FNDC3A: variants seen among roughly 807,000 people sequenced by gnomAD.
FNDC3A encodes fibronectin type III domain containing 3A, also known as fibronectin type-III domain-containing protein 3A.
In FNDC3A, 32 loss-of-function variants were observed where a neutral mutation model predicts 148.9. The observed-to-expected ratio is 0.21, with a 90% CI of 0.16 to 0.29. FNDC3A has a LOEUF of 0.29. Among genes scored for constraint, FNDC3A ranks in the 10% least tolerant of loss-of-function variants. FNDC3A has a pLI of 1.00. For synonymous variants in FNDC3A, 472 were observed against 473.6 expected, an observed-to-expected ratio of 1.00 and a Z score of 0.04; for missense variants, 1,191 against 1,452.8, an observed-to-expected ratio of 0.82 and a Z score of 2.93.
chr13:48,983,170 G>T (rs1020915216), intron 1 of FNDC3A, among the ~76,000 whole-genome samples: 3 of 152,152 alleles, frequency 2.0e-5, no homozygotes, highest in African/African-American at 7.2e-5. Flanking sequence ...GAGAGATAAT[G>T]ATATGTAAAT....
At chr13:49,131,477 A>G in intron 5 of FNDC3A, 103 bp downstream of exon 5, 1 of 854,966 alleles carries the variant, frequency 1.2e-6, no homozygotes, top group Non-Finnish European at 2.0e-6. Flanking sequence ...GCAAATGGTA[A>G]TGATGTAACA....
chr13:49,163,691 C>T (rs1487611965), intron 8 of FNDC3A, among the ~76,000 whole-genome samples: 1 of 152,200 alleles, frequency 6.6e-6, no homozygotes, highest in Admixed American at 6.5e-5. Flanking sequence ...GTTGGAAATG[C>T]ATAAATCACC....
intron 1 of FNDC3A, among the ~76,000 whole-genome samples, chr13:48,982,869 C>T (rs908190095): frequency 2.0e-5 from 3 of 152,140 alleles, no homozygotes; most frequent in Non-Finnish European, 2.9e-5. Flanking sequence ...TTGGTTCGTT[C>T]ATTTTACAGT....
intron 14 of FNDC3A, among the ~76,000 whole-genome samples, chr13:49,181,330 G>A (rs543498605): frequency 2.6e-5 from 4 of 152,242 alleles, no homozygotes; most frequent in South Asian, 2.1e-4. Context: ...TCTCAAAGTA[G>A]TCAGCAGGCC....
chr13:49,120,810 A>G (rs1195039290), intron 4 of FNDC3A, among the ~76,000 whole-genome samples: 5 of 152,254 alleles, frequency 3.3e-5, no homozygotes, highest in Admixed American at 6.5e-5. Context: ...CTAAATATAT[A>G]TGAACCCAAT....
At chr13:49,088,486 G>A (rs964835730) in intron 3 of FNDC3A, among the ~76,000 whole-genome samples, 2 of 152,154 alleles carry the variant, frequency 1.3e-5, no homozygotes, top group African/African-American at 4.8e-5. Flanking sequence ...TTGAATGATT[G>A]TTACACTCTT....
At position 49,082,937 on chromosome 13, in the gene FNDC3A, T is replaced by A. The variant is rs150592797; in HGVS notation, c.175+7573T>A. ...AGCTCAAACAAGAGTGAGGAGGCCATCTGTGTGGAGGGGTAGCCTGACCTG... is the reference window on the plus strand; with the variant it reads ...AGCTCAAACAAGAGTGAGGAGGCCAACTGTGTGGAGGGGTAGCCTGACCTG... On this transcript the variant is annotated intron_variant, in intron 3 of 25. Transcript: ENST00000492622. 1.2e-4 allele frequency among the ~76,000 whole-genome samples: 18 copies of A among 152,170 alleles called. No individual in the cohort carries two copies. In the East Asian group the frequency reaches 2.1e-3, roughly 18 times the overall value.
At chr13:49,120,182 T>C (rs75608405) in intron 4 of FNDC3A, among the ~76,000 whole-genome samples, 98 of 152,300 alleles carry the variant, frequency 6.4e-4, no homozygotes, top group African/African-American at 2.0e-3. Context: ...TGGGGGCCAA[T>C]ATTCAACATT....
chr13:48,994,723 AGCCGAGATGT>A (rs1356962455), intron 1 of FNDC3A, among the ~76,000 whole-genome samples: 8 of 152,116 alleles, frequency 5.3e-5, no homozygotes, highest in Admixed American at 3.3e-4. Flanking sequence ...GGTTGCAGTG[AGCCGAGATGT>A]GCCACTGCTC....
At chr13:49,067,817 A>C (rs941548149) in intron 2 of FNDC3A, among the ~76,000 whole-genome samples, 1 of 152,148 alleles carries the variant, frequency 6.6e-6, no homozygotes, top group Admixed American at 6.6e-5. Context: ...AATCCTATCT[A>C]TGACACCCAG....
At chr13:49,151,766 C>T (rs1883310780) in intron 8 of FNDC3A, among the ~76,000 whole-genome samples, 1 of 152,102 alleles carries the variant, frequency 6.6e-6, no homozygotes, top group African/African-American at 2.4e-5. Flanking sequence ...GTGTGATGTT[C>T]CCGGCCCTGT....
chr13:49,161,245 G>T (rs1354123844), intron 8 of FNDC3A, among the ~76,000 whole-genome samples: 26 of 152,298 alleles, frequency 1.7e-4, no homozygotes, highest in Middle Eastern at 3.4e-3. Context: ...TTATTAATGT[G>T]TGGGAGTCTA....
chr13:49,060,715 C>G (rs148597255), intron 2 of FNDC3A, among the ~76,000 whole-genome samples: 1,573 of 146,952 alleles, frequency 0.011, 34 homozygotes, highest in Admixed American at 0.048. Flanking sequence ...AAACACTGTA[C>G]TGAGTGAAAA....
At chr13:49,158,572 T>C (rs1237662637) in intron 8 of FNDC3A, among the ~76,000 whole-genome samples, 1 of 152,240 alleles carries the variant, frequency 6.6e-6, no homozygotes, top group Non-Finnish European at 1.5e-5. Flanking sequence ...GTAGGTTGCC[T>C]GTTCACTCTG....
intron 2 of FNDC3A, among the ~76,000 whole-genome samples, chr13:49,040,418 G>A (rs1168509686): frequency 6.6e-6 from 1 of 152,138 alleles, no homozygotes; most frequent in Non-Finnish European, 1.5e-5. Flanking sequence ...GATGGCAAAG[G>A]AAAACTCCTA....
At chr13:49,136,747 A>G in intron 6 of FNDC3A, 146 bp downstream of exon 6, 1 of 691,840 alleles carries the variant, frequency 1.4e-6, no homozygotes, top group Non-Finnish European at 2.3e-6. Context: ...GGAAAGCCTC[A>G]ATTAGTAATT....
At chr13:49,156,429 G>A (rs1395653954) in intron 8 of FNDC3A, among the ~76,000 whole-genome samples, 1 of 150,718 alleles carries the variant, frequency 6.6e-6, no homozygotes, top group East Asian at 2.0e-4. Flanking sequence ...CACGTGAGAT[G>A]GGTTTCCTGA....
chr13:49,061,966 A>G (rs1593536892), intron 2 of FNDC3A, among the ~76,000 whole-genome samples: 1 of 150,436 alleles, frequency 6.6e-6, no homozygotes, highest in Non-Finnish European at 1.5e-5. Flanking sequence ...ATGTAGAAAG[A>G]ATGATGTTTT....
intron 15 of FNDC3A, among the ~76,000 whole-genome samples, chr13:49,186,811 T>C (rs1799973379): frequency 6.6e-6 from 1 of 152,152 alleles, no homozygotes; most frequent in African/African-American, 2.4e-5. Context: ...GAGGTTGCAG[T>C]GAGTCGAGAT....
Sources: allele counts gnomAD v4.1 joint callset (sites outside exome capture counted in the v4.1 genomes callset), GRCh38; gene constraint gnomAD v4.1.1; transcripts MANE v1.5; gene names NCBI Gene and HGNC (gene_info 2026-07-23, HGNC 2026-07-21).